The following DIP2C variants were observed in gnomAD, a reference collection of about 807,000 sequenced individuals.
DIP2C encodes the protein DIP2 acetate--CoA ligase C (putative).
Under a neutral mutation model 192.4 loss-of-function variants are expected in DIP2C, and 33 were observed. The observed-to-expected ratio is 0.17, with a 90% CI of 0.13 to 0.23. DIP2C has a LOEUF of 0.23. Among genes scored for constraint, DIP2C ranks in the 10% least tolerant of loss-of-function variants. The probability of loss-of-function intolerance (pLI) is 1.00; values close to 1 mark genes in which losing one functional copy is unlikely to be tolerated. For missense variants in DIP2C, 1,537 were observed against 2,110.1 expected (o/e 0.73, Z 5.32); for synonymous variants, 979 against 864.1 (o/e 1.13, Z -2.33).
Position 345,506 on chromosome 10 carries a change from A to ACC in DIP2C, c.3232-398_3232-397dup, listed in dbSNP as rs1442696093. Among the ~76,000 whole-genome samples the ACC allele has an allele frequency of 1.1e-4, 7 of 62,934 alleles. 1 individual carries two copies. The highest frequency in any genetic ancestry group is 2.2e-4 in the African/African-American group (4 of 18,082). 41.3% of individuals were successfully genotyped at this position (62,934 alleles called of 152,430 possible). A position where few individuals can be genotyped will look rare whatever the true frequency, so the allele number is the denominator to read the frequency against. On this transcript the variant is annotated intron_variant, in intron 26 of 36. Coordinates refer to ENST00000280886, the MANE Select transcript of DIP2C (RefSeq NM_014974.3). ...CACATCGCGCACAGTTCTCCCGGAAACCCCACAAACACCCATCCCAGACAC... is the reference window on the plus strand; with the variant it reads ...CACATCGCGCACAGTTCTCCCGGAAACCCCCCACAAACACCCATCCCAGACAC...
At chr10:299,547 A>C (rs1346102068) in intron 32 of DIP2C, among the ~76,000 whole-genome samples, 1 of 152,242 alleles carries the variant, frequency 6.6e-6, no homozygotes, top group Non-Finnish European at 1.5e-5. Flanking sequence ...AAAACTGTAG[A>C]CTGTTAAAGG....
In DIP2C at chr10:390,602, A is replaced by G. The variant is rs1402741836; in HGVS notation, c.1384+138T>C. ...ACTCGGCTGTGTCATCAGGGACGAG[A>G]ACGCGTGAAAACTCGTGGGTCTGTG... On this transcript the variant is annotated intron_variant, in intron 11 of 36. Coordinates refer to ENST00000280886, the MANE Select transcript of DIP2C (RefSeq NM_014974.3). The G allele has an allele frequency of 4.9e-6, 7 of 1,414,498 alleles. No homozygotes were observed. In the Admixed American group the frequency reaches 1.5e-4, roughly 30 times the overall value. The allele number at this position is 1,414,498 out of a possible 1,614,324, so 87.6% of individuals were successfully genotyped here.
intron 6 of DIP2C, among the ~76,000 whole-genome samples, chr10:416,991 T>A (rs1429262712): frequency 6.6e-6 from 1 of 152,230 alleles, no homozygotes; most frequent in East Asian, 1.9e-4. Context: ...CAAGATTTTT[T>A]AATAGGTAGT....
intron 24 of DIP2C, among the ~76,000 whole-genome samples, chr10:349,923 AAAC>A (rs1958709240): frequency 6.6e-6 from 1 of 152,232 alleles, no homozygotes; most frequent in East Asian, 1.9e-4. Flanking sequence ...AAAGCAAAAT[AAAC>A]AAACACACCC....
At chr10:285,592 C>T (rs546453909) in intron 34 of DIP2C, among the ~76,000 whole-genome samples, 15 of 152,332 alleles carry the variant, frequency 9.8e-5, no homozygotes, top group African/African-American at 3.4e-4. Context: ...AGAGAGAATG[C>T]GGCGGAAGGA....
intron 1 of DIP2C, among the ~76,000 whole-genome samples, chr10:600,673 T>G (rs1195703628): frequency 4.6e-5 from 7 of 152,114 alleles, no homozygotes; most frequent in Non-Finnish European, 8.8e-5. Flanking sequence ...GCCCAGGGTG[T>G]GTGGATATTC....
At chr10:317,893 A>G (rs909667855) in intron 31 of DIP2C, among the ~76,000 whole-genome samples, 3 of 152,220 alleles carry the variant, frequency 2.0e-5, no homozygotes, top group Non-Finnish European at 4.4e-5. Flanking sequence ...TCATCCCTCA[A>G]TTGTAAATTT....
At chr10:355,501 C>G (rs139814174) in intron 24 of DIP2C, among the ~76,000 whole-genome samples, 99 of 152,326 alleles carry the variant, frequency 6.5e-4, no homozygotes, top group African/African-American at 2.1e-3. Flanking sequence ...TGAAGAGTTG[C>G]AAGTACCTAT....
rs1251169 is a variant in DIP2C at position 648,125 on chromosome 10, C to T, written c.85+41369G>A. On this transcript the variant is annotated intron_variant, in intron 1 of 36. Coordinates refer to ENST00000280886, the MANE Select transcript of DIP2C (RefSeq NM_014974.3). ...GTCCACGTCCACATTGGACGGTGGG[C>T]GAGAACAGAAGGAAACTGAGTCCAC... Among the ~76,000 whole-genome samples, 795 of 104,662 alleles carry T rather than the reference C, an allele frequency of 7.6e-3. 11 individuals carry two copies. The highest frequency in any genetic ancestry group is 0.025 in the African/African-American group (677 of 26,772). 68.7% of individuals were successfully genotyped at this position (104,662 alleles called of 152,430 possible).
intron 9 of DIP2C, among the ~76,000 whole-genome samples, chr10:407,835 CTGTT>C (rs1160686304): frequency 1.3e-5 from 2 of 152,102 alleles, no homozygotes; most frequent in African/African-American, 4.8e-5. Context: ...ATATTAATCT[CTGTT>C]GGCAAATAAT....
chr10:485,012 G>A (rs1387141234), intron 2 of DIP2C: 24 of 1,496,430 alleles, frequency 1.6e-5, no homozygotes, highest in South Asian at 1.0e-4. Context: ...TTGTTACAGC[G>A]CTGAGCAGAG....
chr10:277,987 C>A (rs1954605168), intron 36 of DIP2C, among the ~76,000 whole-genome samples: 1 of 152,268 alleles, frequency 6.6e-6, no homozygotes, highest in African/African-American at 2.4e-5. Flanking sequence ...CTCCTGCTTC[C>A]AGACCCCCAG....
At chr10:458,340 A>T (rs982437183) in intron 3 of DIP2C, among the ~76,000 whole-genome samples, 1 of 152,290 alleles carries the variant, frequency 6.6e-6, no homozygotes, top group African/African-American at 2.4e-5. Context: ...CAGTAAATCC[A>T]GACTGACTCA....
intron 1 of DIP2C, among the ~76,000 whole-genome samples, chr10:589,950 T>G (rs561453589): frequency 2.6e-5 from 4 of 152,342 alleles, no homozygotes; most frequent in Middle Eastern, 3.4e-3. Flanking sequence ...AAGCGTGTGA[T>G]AAGTTACATA....
At chr10:556,227 G>A (rs55959791) in intron 1 of DIP2C, among the ~76,000 whole-genome samples, 6,049 of 10,450 alleles carry the variant, frequency 0.58, 1,344 homozygotes, top group East Asian at 0.68. Flanking sequence ...ATCCCAGGAC[G>A]GCACCCACCC....
intron 1 of DIP2C, among the ~76,000 whole-genome samples, chr10:514,204 C>T (rs12770258): frequency 7.1e-6 from 1 of 141,382 alleles, no homozygotes; most frequent in Admixed American, 6.7e-5. Flanking sequence ...GAACCACCCC[C>T]CTTCCTTGGG....
At chr10:419,043 G>C in intron 6 of DIP2C, 22 bp downstream of exon 6, 1 of 1,614,102 alleles carries the variant, frequency 6.2e-7, no homozygotes. Context: ...AGAAAAAAAC[G>C]CATCTCTCCT....
At chr10:665,931 A>G (rs1276968565) in intron 1 of DIP2C, 2 of 152,082 alleles carry the variant, frequency 1.3e-5, no homozygotes, top group Non-Finnish European at 1.5e-5. Flanking sequence ...AAATCACTCA[A>G]AGAAGCGCTT....
chr10:477,128 G>T (rs972320356), intron 2 of DIP2C, among the ~76,000 whole-genome samples: 4 of 149,096 alleles, frequency 2.7e-5, no homozygotes, highest in African/African-American at 9.9e-5. Flanking sequence ...GGAAAAGAAG[G>T]CAGTGAGGCC....
Sources: gnomAD v4.1 joint callset for allele counts (sites outside exome capture counted in the v4.1 genomes callset) on GRCh38, gnomAD v4.1.1 for gene constraint, MANE v1.5 for transcripts, NCBI Gene and HGNC (gene_info 2026-07-23, HGNC 2026-07-21) for gene names.